CERS2: variants seen among roughly 807,000 people sequenced by gnomAD.
CERS2 encodes LAG1 homolog, ceramide synthase 2.
A neutral mutation model predicts 56.6 loss-of-function variants in CERS2; 20 were observed. The observed-to-expected ratio is 0.35, with a 90% CI of 0.25 to 0.51. CERS2 has a LOEUF of 0.51. CERS2 is among the 20% of genes least tolerant of loss of function. CERS2 has a pLI of 0.96. For synonymous variants in CERS2, 187 were observed against 175.4 expected (o/e 1.07, Z -0.52); for missense variants, 361 against 488.6 (o/e 0.74, Z 2.46).
At chr1:150,969,983 T>C (rs587650149) in intron 1 of CERS2, among the ~76,000 whole-genome samples, 1 of 152,160 alleles carries the variant, frequency 6.6e-6, no homozygotes, top group Non-Finnish European at 1.5e-5. Flanking sequence ...ATCCCAGCAC[T>C]TTGGGAGACC....
intron 3 of CERS2, 78 bp downstream of exon 3, chr1:150,968,317 C>CA: frequency 6.8e-7 from 1 of 1,474,102 alleles, no homozygotes; most frequent in South Asian, 1.1e-5. Context: ...CTTCACCTGC[C>CA]AGAGCTAACA....
chr1:150,967,308 A>G, intron 7 of CERS2, 84 bp downstream of exon 7: 1 of 1,429,780 alleles, frequency 7.0e-7, no homozygotes, highest in Non-Finnish European at 9.9e-7. Context: ...CTCCATTCAG[A>G]GTACCCAGAA....
rs1292459157 is a variant in CERS2, at chr1:150,966,126, G to A, written c.*22C>T. ...GTTCCTTGGCTTTATGCATTAATCTGGGAGGCAGCTGGAGTAATGGTTCAG... is the reference window on the plus strand; with the variant it reads ...GTTCCTTGGCTTTATGCATTAATCTAGGAGGCAGCTGGAGTAATGGTTCAG... On this transcript the variant is annotated 3_prime_UTR_variant, in exon 11 of 11. Coordinates refer to ENST00000368954, the MANE Select transcript of CERS2 (RefSeq NM_022075.5). 6.2e-7 allele frequency: 1 copy of A among 1,609,474 alleles called. No individual in the cohort carries two copies. The highest frequency in any genetic ancestry group is 8.5e-7 in the Non-Finnish European group (1 of 1,178,172).
intron 1 of CERS2, among the ~76,000 whole-genome samples, chr1:150,969,716 C>T (rs587706444): frequency 5.3e-5 from 8 of 152,216 alleles, no homozygotes; most frequent in African/African-American, 1.9e-4. Flanking sequence ...TCTTAACCTG[C>T]AAGACAGGCA....
intron 1 of CERS2, among the ~76,000 whole-genome samples, chr1:150,971,186 G>A (rs993120491): frequency 1.5e-4 from 23 of 152,180 alleles, no homozygotes; most frequent in African/African-American, 4.8e-4. Context: ...GAGATGAGGC[G>A]GTGGGATTTA....
Position 150,967,455 on chromosome 1 carries a change from G to C in CERS2, c.549C>G (p.Tyr183Ter). The C allele has an allele frequency of 6.3e-7, 1 of 1,598,630 alleles. No individual in the cohort carries two copies. Among genetic ancestry groups the C allele is most frequent in the Admixed American group, 1.7e-5 (1 of 60,006 alleles). ...ACCAGTAGAAGGAAAGTTCAATCATGTAGTACCAATACTGGGAAGGGATAG... is the reference window on the plus strand; with the variant it reads ...ACCAGTAGAAGGAAAGTTCAATCATCTAGTACCAATACTGGGAAGGGATAG... ...QSTIPSQYWY[Y>*]MIELSFYWSL... The change falls in exon 7 of 11, where the codon TAC (tyrosine) becomes TAG (stop). Residue 183 changes from tyrosine (Y) to a stop codon, truncating the protein, a stop_gained. Transcript: ENST00000368954. LOFTEE classifies it high-confidence loss of function.
At chr1:150,969,763 T>C (rs587601910) in intron 1 of CERS2, among the ~76,000 whole-genome samples, 1 of 151,854 alleles carries the variant, frequency 6.6e-6, no homozygotes, top group African/African-American at 2.4e-5. Context: ...ACAATCTGAG[T>C]AAAGTCCCTC....
rs898092056 is a variant in CERS2, at chr1:150,974,726, TCCGC to T, written c.-113_-110del. 2 of 144,966 alleles carry T rather than the reference TCCGC, an allele frequency of 1.4e-5. No individual in the cohort carries two copies. Among genetic ancestry groups the T allele is most frequent in the Non-Finnish European group, 3.0e-5 (2 of 66,618 alleles). 9.0% of individuals were successfully genotyped at this position (144,966 alleles called of 1,614,324 possible). On this transcript the variant is annotated 5_prime_UTR_variant, in exon 1 of 11. Coordinates refer to ENST00000368954, the MANE Select transcript of CERS2 (RefSeq NM_022075.5). ...GGCTCCCCGCGCCTCTCCTCCCTCT[TCCGC>T]CCGCCCGCCGGCCCGCGCCCGCCCT...
At chr1:150,968,685 G>A (rs1671097014) in intron 2 of CERS2, among the ~76,000 whole-genome samples, 173 bp from the exon 3 acceptor site, 1 of 152,146 alleles carries the variant, frequency 6.6e-6, no homozygotes, top group African/African-American at 2.4e-5. Context: ...TAGTGGCCAG[G>A]CGGGCGGCGG....
Position 150,966,456 on chromosome 1 carries a change from C to G in CERS2, c.1002+20G>C. ...GTTGTAGAGAGTAGTAAGGCCTACA[C>G]AATGGGAACAGGGCTTCACCTTTCC... On this transcript the variant is annotated intron_variant, in intron 10 of 10. Coordinates refer to ENST00000368954, the MANE Select transcript of CERS2 (RefSeq NM_022075.5). 6.2e-7 allele frequency: 1 copy of G among 1,613,858 alleles called. No individual in the cohort carries two copies. The highest frequency in any genetic ancestry group is 8.5e-7 in the Non-Finnish European group (1 of 1,179,892).
chr1:150,966,708 G>A (rs1329076062), intron 9 of CERS2, 48 bp downstream of exon 9: 2 of 1,597,784 alleles, frequency 1.3e-6, no homozygotes, highest in South Asian at 1.1e-5. Context: ...AGAAAGGCAA[G>A]GCTCCTGATT....
At chr1:150,968,280 TCA>T in intron 3 of CERS2, 79 bp from the exon 4 acceptor site, 1 of 1,494,066 alleles carries the variant, frequency 6.7e-7, no homozygotes, top group African/African-American at 1.4e-5. Flanking sequence ...AGTAACAACC[TCA>T]GTCAGCACCA....
rs1273991790 is a variant in CERS2, at chr1:150,965,492, AGG to A, written c.*654_*655del. On this transcript the variant is annotated 3_prime_UTR_variant, in exon 11 of 11. Transcript: ENST00000368954. Reference sequence around the variant, plus strand: ...GAAGGGGGAAGAGGCCAGAGAAAGGAGGAGGCAGTCAGATCTTAGACCTGTCG... The same window carrying A: ...GAAGGGGGAAGAGGCCAGAGAAAGGAAGGCAGTCAGATCTTAGACCTGTCG... The A allele has an allele frequency of 3.0e-5, 2 of 67,680 alleles. No individual in the cohort carries two copies. The highest frequency in any genetic ancestry group is 8.3e-5 in the African/African-American group (2 of 24,042). The allele number at this position is 67,680 out of a possible 1,614,324, so 4.2% of individuals were successfully genotyped here.
chr1:150,974,366 A>G (rs1189954823), intron 1 of CERS2: 1 of 149,484 alleles, frequency 6.7e-6, no homozygotes, highest in East Asian at 2.0e-4. Flanking sequence ...TGCCGCGGAC[A>G]CCGCGGCGCC....
At position 150,968,976 on chromosome 1, in the gene CERS2, G is replaced by T. The variant is rs773830077; in HGVS notation, c.115C>A (p.Leu39Ile). The T allele has an allele frequency of 6.2e-7, 1 of 1,614,120 alleles. No individual in the cohort carries two copies. Among genetic ancestry groups the T allele is most frequent in the South Asian group, 1.1e-5 (1 of 91,080 alleles). ...AAGGCCAGGGGCAGCGTGATATAGA[G>T]ATCTGAGGCTTTGGCGTAGACACGT... is the stretch of plus-strand genomic sequence containing the variant. ...DGRVYAKASD[L>I]YITLPLALLF... Residue 39 changes from leucine (L) to isoleucine (I), a missense_variant, in exon 2 of 11, where the codon CTC becomes ATC. Leu to Ile is a conservative substitution (Grantham distance 5, BLOSUM62 2). This residue lies in a region of CERS2 where 236 missense variants were observed against 309.2 expected (regional missense o/e 0.76). Coordinates refer to ENST00000368954, the MANE Select transcript of CERS2 (RefSeq NM_022075.5).
At chr1:150,970,142 C>G (rs894499960) in intron 1 of CERS2, among the ~76,000 whole-genome samples, 1 of 147,352 alleles carries the variant, frequency 6.8e-6, no homozygotes. Flanking sequence ...GTGGGAGGAT[C>G]ACTTGAGCCT....
intron 1 of CERS2, among the ~76,000 whole-genome samples, chr1:150,973,714 G>A (rs1385399413): frequency 6.6e-6 from 1 of 152,234 alleles, no homozygotes; most frequent in Non-Finnish European, 1.5e-5. Context: ...GGGGGTGACT[G>A]CCTGCTGGAG....
Position 150,968,500 on chromosome 1 carries a change from T to G in CERS2, c.186A>C (p.Thr62=), listed in dbSNP as rs200146226. Residue 62 remains threonine (T), a synonymous_variant, in exon 3 of 11, where the codon ACA becomes ACC. Transcript: ENST00000368954. ...TTATGTTCAAGAGGGCAGCCAGTGGTGTAGCCACGTACCTGGGGAAGGGAT... is the reference window on the plus strand; with the variant it reads ...TTATGTTCAAGAGGGCAGCCAGTGGGGTAGCCACGTACCTGGGGAAGGGAT... ...VRYFFELYVA[T]PLAALLNIKE... 1.2e-6 allele frequency: 2 copies of G among 1,613,598 alleles called. No individual in the cohort carries two copies. The highest frequency in any genetic ancestry group is 2.2e-5 in the South Asian group (2 of 91,080).
chr1:150,966,075 G>A lies in CERS2; in HGVS notation c.*73C>T, dbSNP rs1219091209. 7.1e-7 allele frequency: 1 copy of A among 1,407,626 alleles called. No homozygotes were observed. The allele number at this position is 1,407,626 out of a possible 1,614,324, so 87.2% of individuals were successfully genotyped here. On this transcript the variant is annotated 3_prime_UTR_variant, in exon 11 of 11. Transcript: ENST00000368954. ...CTCCTTTTTCCCCAGAGCTTAAAGT[G>A]ACCCTATAGCGCAGGGAGCGGGGTA...
Sources: allele counts gnomAD v4.1 joint callset (sites outside exome capture counted in the v4.1 genomes callset), GRCh38; gene constraint gnomAD v4.1.1; regional missense constraint gnomAD v4.1.1; transcripts MANE v1.5; gene names NCBI Gene and HGNC (gene_info 2026-07-23, HGNC 2026-07-21).